Variants in NIBAN1 observed in about 807,000 individuals in gnomAD.
The protein encoded by NIBAN1 is niban apoptosis regulator 1.
A neutral mutation model predicts 75.1 loss-of-function variants in NIBAN1; 81 were observed. The ratio of observed to expected loss-of-function variants is 1.08; its 90% confidence interval spans 0.90 to 1.30. The LOEUF (loss-of-function observed/expected upper bound fraction) is 1.30, where lower values mean the gene tolerates loss of function less well. Ranked by LOEUF, NIBAN1 falls within the 50% of genes most tolerant of loss-of-function variation. NIBAN1 has a pLI of 0.00. For synonymous variants in NIBAN1, 436 were observed against 424.8 expected (o/e 1.03, Z -0.32); for missense variants, 1,133 against 1,128.1 (o/e 1.00, Z -0.06).
At chr1:184,845,427 C>T (rs190650334) in intron 5 of NIBAN1, among the ~76,000 whole-genome samples, 85 of 152,156 alleles carry the variant, frequency 5.6e-4, no homozygotes, top group African/African-American at 2.0e-3. Context: ...ATTATGATGA[C>T]ATTATGAAAA....
chr1:184,902,224 C>T (rs956730652), intron 1 of NIBAN1, among the ~76,000 whole-genome samples: 4 of 151,948 alleles, frequency 2.6e-5, no homozygotes, highest in African/African-American at 7.3e-5. Context: ...CAGAGCAAGA[C>T]CCCACCTCTA....
intron 1 of NIBAN1, among the ~76,000 whole-genome samples, chr1:184,960,651 G>A (rs1338302809): frequency 3.0e-5 from 1 of 33,392 alleles, no homozygotes; most frequent in Non-Finnish European, 7.5e-5. Flanking sequence ...TTGTTGAGAC[G>A]GAGTCTACTC....
chr1:184,913,141 A>ATATATATATATAT (rs958860239), intron 1 of NIBAN1, among the ~76,000 whole-genome samples: 7 of 148,252 alleles, frequency 4.7e-5, no homozygotes, highest in African/African-American at 1.7e-4. Context: ...ATGCAGGTAT[A>ATATATATATATAT]TATATATATA....
chr1:184,915,926 G>A (rs1449714059), intron 1 of NIBAN1, among the ~76,000 whole-genome samples: 1 of 152,194 alleles, frequency 6.6e-6, no homozygotes, highest in Non-Finnish European at 1.5e-5. Context: ...GTCCATTCCT[G>A]AATATGCTGT....
At chr1:184,939,383 CT>C (rs1472665518) in intron 1 of NIBAN1, among the ~76,000 whole-genome samples, 2 of 152,238 alleles carry the variant, frequency 1.3e-5, no homozygotes, top group African/African-American at 2.4e-5. Context: ...GGCTTCTCCC[CT>C]ATTCCTACTG....
intron 8 of NIBAN1, among the ~76,000 whole-genome samples, chr1:184,820,179 T>C (rs1346942138): frequency 6.6e-6 from 1 of 152,192 alleles, no homozygotes; most frequent in African/African-American, 2.4e-5. Context: ...GGAGATAAAT[T>C]AATTATTAGT....
chr1:184,897,509 T>C (rs1318642950), intron 2 of NIBAN1, among the ~76,000 whole-genome samples: 1 of 152,166 alleles, frequency 6.6e-6, no homozygotes, highest in Admixed American at 6.5e-5. Context: ...GTACTGTTTC[T>C]TTTCTCTGTC....
intron 5 of NIBAN1, among the ~76,000 whole-genome samples, chr1:184,845,819 A>C (rs1451879719): frequency 1.2e-5 from 1 of 83,938 alleles, no homozygotes; most frequent in East Asian, 2.6e-4. Flanking sequence ...TGGGAAGCGC[A>C]AGGGGTCAGG....
intron 5 of NIBAN1, among the ~76,000 whole-genome samples, chr1:184,882,472 T>A (rs1322574942): frequency 6.6e-6 from 1 of 152,214 alleles, no homozygotes; most frequent in East Asian, 1.9e-4. Flanking sequence ...CTGGAAGTTA[T>A]GCCAAATTAA....
intron 1 of NIBAN1, among the ~76,000 whole-genome samples, chr1:184,971,468 G>A (rs1057465585): frequency 6.6e-5 from 10 of 151,612 alleles, no homozygotes; most frequent in African/African-American, 2.2e-4. Context: ...TCAGGAGATC[G>A]AAGCCATCCT....
rs183088065 is a variant in NIBAN1, at chr1:184,800,035, G to A, written c.1555-1845C>T. 2.0e-3 allele frequency among the ~76,000 whole-genome samples: 207 copies of A among 102,202 alleles called. 65 individuals carry two copies. Among genetic ancestry groups the A allele is most frequent in the Non-Finnish European group, 3.0e-3 (162 of 53,448 alleles). 67.0% of individuals were successfully genotyped at this position (102,202 alleles called of 152,430 possible). Reference sequence around the variant, plus strand: ...GCTGGGATTACAGGCGTGAGCCACCGCGCCCGGCCATGATTGCCATTCTAA... The same window carrying A: ...GCTGGGATTACAGGCGTGAGCCACCACGCCCGGCCATGATTGCCATTCTAA... On this transcript the variant is annotated intron_variant, in intron 12 of 13. Coordinates refer to ENST00000367511, the MANE Select transcript of NIBAN1 (RefSeq NM_052966.4).
chr1:184,824,747 A>C (rs1396915854), intron 6 of NIBAN1, among the ~76,000 whole-genome samples: 2 of 152,176 alleles, frequency 1.3e-5, no homozygotes, highest in Non-Finnish European at 2.9e-5. Flanking sequence ...CTTTTCTTAA[A>C]GCTATGTTAT....
chr1:184,843,938 G>A (rs1292100699), intron 5 of NIBAN1, among the ~76,000 whole-genome samples: 2 of 152,196 alleles, frequency 1.3e-5, no homozygotes, highest in Admixed American at 6.5e-5. Context: ...TCTCAGTGAC[G>A]TTGTGGGCAT....
chr1:184,801,367 A>C (rs1654035848), intron 12 of NIBAN1, among the ~76,000 whole-genome samples: 1 of 152,194 alleles, frequency 6.6e-6, no homozygotes, highest in Non-Finnish European at 1.5e-5. Flanking sequence ...TGTTGCACAG[A>C]TTTGAGAAAA....
intron 10 of NIBAN1, 47 bp from the exon 11 acceptor site, chr1:184,806,103 G>A (rs746360275): frequency 6.6e-7 from 1 of 1,507,114 alleles, no homozygotes; most frequent in Non-Finnish European, 9.2e-7. Flanking sequence ...CAGGGGCTGG[G>A]ATCACCACCC....
At chr1:184,907,614 T>C (rs112978067) in intron 1 of NIBAN1, among the ~76,000 whole-genome samples, 81 of 152,324 alleles carry the variant, frequency 5.3e-4, no homozygotes, top group African/African-American at 1.7e-3. Context: ...GGTGGAGAAA[T>C]TGGAAATCCC....
intron 1 of NIBAN1, among the ~76,000 whole-genome samples, chr1:184,926,860 T>C (rs900990473): frequency 6.6e-5 from 10 of 152,158 alleles, no homozygotes; most frequent in African/African-American, 2.4e-4. Context: ...TTCTTTGATC[T>C]CCTCTGATTG....
chr1:184,911,126 G>A (rs140011322), intron 1 of NIBAN1, among the ~76,000 whole-genome samples: 3 of 151,866 alleles, frequency 2.0e-5, no homozygotes, highest in African/African-American at 7.3e-5. Flanking sequence ...TTTCTCTGGA[G>A]AACCCAAATA....
intron 1 of NIBAN1, 78 bp from the exon 2 acceptor site, chr1:184,899,387 C>G (rs1409270383): frequency 2.1e-5 from 30 of 1,444,392 alleles, no homozygotes; most frequent in Non-Finnish European, 2.6e-5. Context: ...AAAACCATCC[C>G]TCCAGTCTCT....
Sources: gnomAD v4.1 joint callset for allele counts (sites outside exome capture counted in the v4.1 genomes callset) on GRCh38, gnomAD v4.1.1 for gene constraint, MANE v1.5 for transcripts, NCBI Gene and HGNC (gene_info 2026-07-23, HGNC 2026-07-21) for gene names.